SLC8A1: variants seen among roughly 807,000 people sequenced by gnomAD.
SLC8A1 encodes the protein sodium/calcium exchanger 1.
A neutral mutation model predicts 68.3 loss-of-function variants in SLC8A1; 18 were observed. The ratio of observed to expected loss-of-function variants is 0.26; its 90% CI spans 0.18 to 0.39. SLC8A1 has a LOEUF of 0.39. SLC8A1 is among the 10% of genes least tolerant of loss of function. The probability of loss-of-function intolerance (pLI) is 1.00; values close to 1 mark genes in which losing one functional copy is unlikely to be tolerated. For synonymous variants in SLC8A1, 475 were observed against 415.5 expected (o/e 1.14, Z -1.74); for missense variants, 985 against 1,156.7 (o/e 0.85, Z 2.15).
intron 2 of SLC8A1, among the ~76,000 whole-genome samples, chr2:40,253,050 T>TATACATATGTATCTGTAG (rs1471779842): frequency 2.9e-5 from 4 of 135,696 alleles, no homozygotes; most frequent in Non-Finnish European, 6.3e-5. Flanking sequence ...AGTATATGTA[T>TATACATATGTATCTGTAG]ATATGTACAT....
intron 1 of SLC8A1, among the ~76,000 whole-genome samples, chr2:40,474,767 G>T (rs1195815740): frequency 6.6e-6 from 1 of 152,176 alleles, no homozygotes; most frequent in Non-Finnish European, 1.5e-5. Flanking sequence ...AGGCAGTTTG[G>T]TTTGGGAGCT....
chr2:40,501,927 A>C (rs1183508423), intron 1 of SLC8A1, among the ~76,000 whole-genome samples: 1 of 152,042 alleles, frequency 6.6e-6, no homozygotes, highest in African/African-American at 2.4e-5. Flanking sequence ...CTCTCTACTC[A>C]GATGTACTCT....
intron 2 of SLC8A1, among the ~76,000 whole-genome samples, chr2:40,300,103 G>C (rs974566181): frequency 6.6e-6 from 1 of 152,138 alleles, no homozygotes; most frequent in African/African-American, 2.4e-5. Context: ...GATCTTCTAA[G>C]TCTGCCAACC....
At chr2:40,361,463 C>T (rs1044828050) in intron 2 of SLC8A1, among the ~76,000 whole-genome samples, 4 of 101,452 alleles carry the variant, frequency 3.9e-5, no homozygotes, top group East Asian at 4.4e-4. Flanking sequence ...CCTGAAGGAG[C>T]CTTTTTTTTT....
intron 2 of SLC8A1, among the ~76,000 whole-genome samples, chr2:40,232,700 C>T (rs2059824246): frequency 7.5e-6 from 1 of 133,514 alleles, no homozygotes; most frequent in African/African-American, 2.8e-5. Flanking sequence ...GCTGCACCCA[C>T]TAACTCGTCA....
At chr2:40,343,956 G>A (rs1668467257) in intron 2 of SLC8A1, among the ~76,000 whole-genome samples, 1 of 152,080 alleles carries the variant, frequency 6.6e-6, no homozygotes. Context: ...CAAACTACAT[G>A]CCAGTACCCG....
chr2:40,122,232 G>A (rs1017896548), intron 7 of SLC8A1, among the ~76,000 whole-genome samples: 7 of 110,150 alleles, frequency 6.4e-5, no homozygotes, highest in African/African-American at 9.7e-5. Flanking sequence ...ACACGTGTGC[G>A]CGCGCACACA....
intron 4 of SLC8A1, among the ~76,000 whole-genome samples, chr2:40,167,464 T>A (rs193278127): frequency 1.1e-4 from 16 of 152,348 alleles, no homozygotes; most frequent in Admixed American, 5.2e-4. Context: ...GAGGCAATTT[T>A]AAAAATTACA....
chr2:40,170,697 G>C (rs1558608717), intron 4 of SLC8A1, among the ~76,000 whole-genome samples: 1 of 152,184 alleles, frequency 6.6e-6, no homozygotes, highest in Non-Finnish European at 1.5e-5. Flanking sequence ...AAGCATCATG[G>C]AACAACAAAA....
intron 1 of SLC8A1, among the ~76,000 whole-genome samples, chr2:40,486,686 C>G (rs1458398091): frequency 2.0e-5 from 3 of 151,388 alleles, no homozygotes; most frequent in Non-Finnish European, 4.4e-5. Context: ...ATGAGGTTTC[C>G]TATTAGTAGT....
At chr2:40,111,993 C>T (rs1233881974) in exon 8 of SLC8A1, 1 of 152,118 alleles carries the variant, frequency 6.6e-6, no homozygotes, top group Non-Finnish European at 1.5e-5. Flanking sequence ...CAACATATAT[C>T]TCAGCACTGT....
At chr2:40,229,702 A>G (rs1574386028) in intron 2 of SLC8A1, among the ~76,000 whole-genome samples, 1 of 152,120 alleles carries the variant, frequency 6.6e-6, no homozygotes, top group East Asian at 1.9e-4. Flanking sequence ...ATAACCTAAC[A>G]ACTATACTTT....
chr2:40,166,164 A>C (rs987063165), intron 4 of SLC8A1, among the ~76,000 whole-genome samples: 7 of 151,892 alleles, frequency 4.6e-5, no homozygotes, highest in Non-Finnish European at 1.0e-4. Context: ...ACCTCCCATT[A>C]CCTCCAAAGA....
chr2:40,510,852 G>A (rs1309541392), intron 1 of SLC8A1, among the ~76,000 whole-genome samples: 1 of 152,090 alleles, frequency 6.6e-6, no homozygotes, highest in East Asian at 1.9e-4. Context: ...CCTTAGTATT[G>A]TAATTATTTT....
chr2:40,429,648 G>A, exon 2 of SLC8A1: 1 of 1,613,820 alleles, frequency 6.2e-7, no homozygotes. Context: ...AGGCAAAGAT[G>A]CTCCAGGCTG....
At chr2:40,216,293 A>G (rs548895356) in intron 2 of SLC8A1, among the ~76,000 whole-genome samples, 1 of 152,168 alleles carries the variant, frequency 6.6e-6, no homozygotes, top group South Asian at 2.1e-4. Context: ...GCTGAAGATG[A>G]TGGCTTCCAG....
intron 1 of SLC8A1, among the ~76,000 whole-genome samples, chr2:40,498,720 T>C (rs569881648): frequency 1.3e-5 from 2 of 152,200 alleles, no homozygotes; most frequent in South Asian, 2.1e-4. Context: ...CCAAATACTT[T>C]GTCAAACTAT....
At chr2:40,236,653 C>T (rs1253757331) in intron 2 of SLC8A1, among the ~76,000 whole-genome samples, 5 of 152,058 alleles carry the variant, frequency 3.3e-5, no homozygotes, top group Middle Eastern at 3.4e-3. Flanking sequence ...ATGATGTTAG[C>T]TGGTTATTTT....
chr2:40,415,785 G>C (rs1279919552), intron 2 of SLC8A1, among the ~76,000 whole-genome samples: 1 of 151,532 alleles, frequency 6.6e-6, no homozygotes, highest in Non-Finnish European at 1.5e-5. Context: ...GAGACCAGGG[G>C]TGGGTCACAC....
Sources: gnomAD v4.1 joint callset for allele counts (sites outside exome capture counted in the v4.1 genomes callset) on GRCh38, gnomAD v4.1.1 for gene constraint, MANE v1.5 for transcripts, NCBI Gene and HGNC (gene_info 2026-07-23, HGNC 2026-07-21) for gene names.